SH3PXD2B: variants seen among roughly 807,000 people sequenced by gnomAD.
SH3PXD2B encodes the protein SH3 and PX domain-containing protein 2B.
A neutral mutation model predicts 73.1 loss-of-function variants in SH3PXD2B; 37 were observed. The observed-to-expected ratio is 0.51, with a 90% CI of 0.39 to 0.67. The LOEUF (loss-of-function observed/expected upper bound fraction) is 0.67. SH3PXD2B is among the 30% of genes least tolerant of loss of function. The pLI is 0.00. For missense variants in SH3PXD2B, 1,053 were observed against 1,197.8 expected, an observed-to-expected ratio of 0.88 and a Z score of 1.78; for synonymous variants, 457 against 480.5, an observed-to-expected ratio of 0.95 and a Z score of 0.64.
chr5:172,406,926 G>C (rs1758574462), intron 2 of SH3PXD2B, among the ~76,000 whole-genome samples: 2 of 152,206 alleles, frequency 1.3e-5, no homozygotes, highest in South Asian at 4.1e-4. Flanking sequence ...GGTGCAAAGA[G>C]AGGGAGGTGT....
chr5:172,391,806 A>G (rs887150665), intron 4 of SH3PXD2B, among the ~76,000 whole-genome samples: 2 of 152,218 alleles, frequency 1.3e-5, no homozygotes, highest in Non-Finnish European at 2.9e-5. Flanking sequence ...ACAGAAGTCT[A>G]TAAGTCAATT....
downstream of SH3PXD2B, among the ~76,000 whole-genome samples, chr5:172,332,637 G>C (rs1363451602): frequency 6.6e-6 from 1 of 152,020 alleles, no homozygotes; most frequent in Non-Finnish European, 1.5e-5. Context: ...CAAGAAGGTT[G>C]TTATATTGTT....
intron 1 of SH3PXD2B, among the ~76,000 whole-genome samples, chr5:172,435,081 A>G (rs986654856): frequency 6.6e-6 from 1 of 152,164 alleles, no homozygotes; most frequent in African/African-American, 2.4e-5. Context: ...CACCACACAC[A>G]GCAGGTCTCC....
rs759125971 is a variant in SH3PXD2B, at chr5:172,339,602, G to C, written c.1503C>G (p.Asp501Glu). The change falls in exon 13 of 13, where the codon GAC becomes GAG. Residue 501 changes from aspartate (D) to glutamate (E), a missense_variant. Physicochemically the swap from Asp to Glu is conservative, Grantham distance 45. Around this residue, in one of 2 missense-constraint regions of SH3PXD2B, gnomAD observed 587 missense variants for 590.7 expected, o/e 0.99. Transcript: ENST00000311601. The surrounding 1 kb of genome is among the most constrained non-coding windows in gnomAD (Gnocchi z 6.1). Reference protein sequence around the residue: ...SKDVLRKASSDMSASAGYEEI... With the variant: ...SKDVLRKASSEMSASAGYEEI... ...CCTCGTAGCCTGCTGACGCAGACAT[G>C]TCTGAAGATGCCTTCCTCAGGACAT... The C allele has an allele frequency of 6.2e-7, 1 of 1,614,238 alleles. No homozygotes were observed. The highest frequency in any genetic ancestry group is 2.2e-5 in the East Asian group (1 of 44,886).
rs190340079 is a variant in SH3PXD2B at position 172,393,366 on chromosome 5, G to A, written c.309+1197C>T. Among the ~76,000 whole-genome samples, 12 of 152,160 alleles carry A rather than the reference G, an allele frequency of 7.9e-5. No homozygotes were observed. The East Asian group carries it at 2.1e-3, about 27-fold the overall frequency. ...TCATTTCTGGATTATTTGTTCCTAG[G>A]ATTTAGAAATACAATTGTTTTCTGT... is the stretch of plus-strand genomic sequence containing the variant. On this transcript the variant is annotated intron_variant, in intron 4 of 12. Transcript: ENST00000311601.
At position 172,362,729 on chromosome 5, in the gene SH3PXD2B, C is replaced by T. The variant is rs1367825586; in HGVS notation, c.562+6G>A. The T allele has an allele frequency of 6.2e-7, 1 of 1,613,886 alleles. No individual in the cohort carries two copies. Among genetic ancestry groups the T allele is most frequent in the Non-Finnish European group, 8.5e-7 (1 of 1,180,012 alleles). ...AGTGGGAGAGGGAGATGGTCTAGGT[C>T]CCCACCTGACTCATTCTTCTCGATG... On this transcript the variant is annotated splice_donor_region_variant and intron_variant, in intron 7 of 12. Transcript: ENST00000311601.
At chr5:172,439,258 AAAAAACAAAAACAAAAACAAAAC>A (rs1759473436) in intron 1 of SH3PXD2B, among the ~76,000 whole-genome samples, 1 of 85,654 alleles carries the variant, frequency 1.2e-5, no homozygotes, top group South Asian at 3.2e-4. Context: ...AAAGAAAAAA[AAAAAACAAAAACAAAAACAAAAC>A]AAAAAAAAAA....
At chr5:172,397,946 C>T (rs997585799) in intron 3 of SH3PXD2B, among the ~76,000 whole-genome samples, 27 of 152,230 alleles carry the variant, frequency 1.8e-4, no homozygotes, top group African/African-American at 6.3e-4. Context: ...GTGGCGGCCG[C>T]TGCCACGCCT....
intron 3 of SH3PXD2B, among the ~76,000 whole-genome samples, chr5:172,399,500 G>A (rs1393575986): frequency 6.6e-6 from 1 of 152,072 alleles, no homozygotes; most frequent in Non-Finnish European, 1.5e-5. Context: ...AAAACCGCAG[G>A]GAAAAGACGT....
At chr5:172,452,089 C>A (rs1759808213) in intron 1 of SH3PXD2B, among the ~76,000 whole-genome samples, 1 of 152,154 alleles carries the variant, frequency 6.6e-6, no homozygotes, top group Admixed American at 6.5e-5. Context: ...GGGAGCTATG[C>A]CTTTAGGGCA....
intron 12 of SH3PXD2B, among the ~76,000 whole-genome samples, chr5:172,345,733 G>A (rs1227733605): frequency 2.0e-5 from 3 of 152,150 alleles, no homozygotes; most frequent in African/African-American, 4.8e-5. Context: ...GAGGTGGGAG[G>A]TGGTAAAGAA....
chr5:172,418,193 T>C (rs1561932151), intron 2 of SH3PXD2B, among the ~76,000 whole-genome samples: 1 of 152,122 alleles, frequency 6.6e-6, no homozygotes, highest in African/African-American at 2.4e-5. Context: ...TGAGCCTGGG[T>C]TTCTTCATTT....
At chr5:172,330,059 A>G (rs1310952710), downstream of SH3PXD2B, among the ~76,000 whole-genome samples, 2 of 152,160 alleles carry the variant, frequency 1.3e-5, no homozygotes, top group Admixed American at 1.3e-4. Flanking sequence ...TGTTGTGGGT[A>G]TCAATTTTTT....
At chr5:172,415,777 G>A (rs182035364) in intron 2 of SH3PXD2B, among the ~76,000 whole-genome samples, 1 of 152,338 alleles carries the variant, frequency 6.6e-6, no homozygotes, top group Non-Finnish European at 1.5e-5. Context: ...GGACTCCCCA[G>A]AGTAGTCCCA....
intron 6 of SH3PXD2B, among the ~76,000 whole-genome samples, chr5:172,369,969 T>A (rs1757665594): frequency 6.6e-6 from 1 of 152,230 alleles, no homozygotes; most frequent in Non-Finnish European, 1.5e-5. Context: ...ACTCATTTAG[T>A]ATTTATTAAG....
intron 8 of SH3PXD2B, among the ~76,000 whole-genome samples, chr5:172,356,355 A>T (rs1264671655): frequency 6.6e-6 from 1 of 152,140 alleles, no homozygotes; most frequent in African/African-American, 2.4e-5. Context: ...ATATAAGTCA[A>T]TACACTTCCC....
At chr5:172,446,485 G>C (rs1759663961) in intron 1 of SH3PXD2B, among the ~76,000 whole-genome samples, 1 of 152,206 alleles carries the variant, frequency 6.6e-6, no homozygotes, top group Admixed American at 6.5e-5. Context: ...TGCAAAGCAA[G>C]ACTGCTCCCC....
chr5:172,453,405 C>A (rs573054611), intron 1 of SH3PXD2B, among the ~76,000 whole-genome samples: 1 of 152,234 alleles, frequency 6.6e-6, no homozygotes, highest in African/African-American at 2.4e-5. Flanking sequence ...CTAGAACCTG[C>A]GAGGTGGTCC....
In SH3PXD2B at chr5:172,359,669, A is replaced by T. The variant is rs1541917; in HGVS notation, c.563-792T>A. On this transcript the variant is annotated intron_variant, in intron 7 of 12. Coordinates refer to ENST00000311601, the MANE Select transcript of SH3PXD2B (RefSeq NM_001017995.3). Reference sequence around the variant, plus strand: ...CGGCTCAGACATTCCCCAATGAGAAAGGCCTGCATGGGGCCTGTGGGAGGG... The same window carrying T: ...CGGCTCAGACATTCCCCAATGAGAATGGCCTGCATGGGGCCTGTGGGAGGG... Among the ~76,000 whole-genome samples, 1,262 of 152,104 alleles carry T rather than the reference A, an allele frequency of 8.3e-3. 19 individuals carry two copies. The highest frequency in any genetic ancestry group is 0.028 in the African/African-American group (1,182 of 41,516).
Sources: allele counts gnomAD v4.1 joint callset (sites outside exome capture counted in the v4.1 genomes callset), GRCh38; gene constraint gnomAD v4.1.1; regional missense constraint gnomAD v4.1.1; non-coding constraint Gnocchi (gnomAD v3.1); transcripts MANE v1.5; gene names NCBI Gene and HGNC (gene_info 2026-07-23, HGNC 2026-07-21).